The following LRP2BP variants were observed in gnomAD, a reference collection of about 807,000 sequenced individuals.
LRP2BP encodes LRP2 binding protein, also known as LRP2-binding protein.
Under a neutral mutation model 45.2 loss-of-function variants are expected in LRP2BP, and 38 were observed. That is an observed-to-expected ratio of 0.84 (90% CI 0.65 to 1.10). The LOEUF is 1.10. Ranked by LOEUF, LRP2BP falls within the 50% of genes least tolerant of loss-of-function variation. The pLI is 0.00. For synonymous variants in LRP2BP, 153 were observed against 153.9 expected (o/e 0.99, Z 0.04); for missense variants, 385 against 418.9 (o/e 0.92, Z 0.71).
chr4:185,372,580 C>CT (rs2095419528), intron 7 of LRP2BP, among the ~76,000 whole-genome samples: 1 of 152,172 alleles, frequency 6.6e-6, no homozygotes, highest in Non-Finnish European at 1.5e-5. Context: ...CCTTGGAAAT[C>CT]CCAGTGTTGC....
intron 1 of LRP2BP, chr4:185,390,518 C>CAAAAAAA (rs575511130): frequency 1.2e-5 from 1 of 82,692 alleles, no homozygotes; most frequent in Non-Finnish European, 2.5e-5. Context: ...GATTCCGTCT[C>CAAAAAAA]AAAAAAAAAA....
chr4:185,395,608 C>T lies in LRP2BP; in HGVS notation c.-851G>A. On this transcript the variant is annotated 5_prime_UTR_variant, in exon 1 of 9. It adds an upstream start codon to the 5' untranslated region. Coordinates refer to ENST00000505916, the MANE Select transcript of LRP2BP (RefSeq NM_001377440.1). ...GAACGATTCTATATATTTGAACACA[C>T]ATTTATATTCAAATATTCATATGAA... 2.0e-6 allele frequency: 2 copies of T among 978,128 alleles called. No homozygotes were observed. Among genetic ancestry groups the T allele is most frequent in the Non-Finnish European group, 1.2e-6 (1 of 823,274 alleles). The allele number at this position is 978,128 out of a possible 1,614,324, so 60.6% of individuals were successfully genotyped here. A position where few individuals can be genotyped will look rare whatever the true frequency, so the allele number is the denominator to read the frequency against.
intron 1 of LRP2BP, among the ~76,000 whole-genome samples, chr4:185,379,505 T>C (rs549337076): frequency 6.6e-6 from 1 of 152,316 alleles, no homozygotes; most frequent in Non-Finnish European, 1.5e-5. Context: ...TTAAAACTCA[T>C]GTTGCCTTTT....
intron 3 of LRP2BP, among the ~76,000 whole-genome samples, chr4:185,376,019 T>C (rs1312529489): frequency 1.3e-5 from 2 of 152,062 alleles, no homozygotes; most frequent in African/African-American, 4.8e-5. Flanking sequence ...GCTGCCCAAA[T>C]AGTCAACAAA....
intron 1 of LRP2BP, chr4:185,378,731 A>C: frequency 3.0e-6 from 3 of 985,762 alleles, no homozygotes; most frequent in Non-Finnish European, 3.6e-6. Flanking sequence ...TCACAGTTGA[A>C]TGGTAAATCA....
rs112573976 is a variant in LRP2BP at position 185,365,516 on chromosome 4, C to T, written c.*1664G>A. The T allele has an allele frequency of 0.018, 2,707 of 151,750 alleles. 86 individuals carry two copies. Among genetic ancestry groups the T allele is most frequent in the African/African-American group, 0.063 (2,587 of 41,352 alleles). 9.4% of individuals were successfully genotyped at this position (151,750 alleles called of 1,614,324 possible). A position where few individuals can be genotyped will look rare whatever the true frequency, so the allele number is the denominator to read the frequency against. ...GACTACAGGCGTCCGCCATCACGCC[C>T]GGCTAATTTTTGTATTTTTAGTAGA... On this transcript the variant is annotated 3_prime_UTR_variant, in exon 9 of 9. Transcript: ENST00000505916.
At chr4:185,396,853 C>T (rs2095504751), upstream of LRP2BP, 10 of 1,527,622 alleles carry the variant, frequency 6.5e-6, no homozygotes, top group East Asian at 2.2e-5. Context: ...GCATTCTTAC[C>T]TGTCGGGGTG....
Position 185,375,700 on chromosome 4 carries a change from C to G in LRP2BP, c.243G>C (p.Gln81His). The change falls in exon 4 of 9, where the codon CAG (glutamine) becomes CAC (histidine). Residue 81 changes from glutamine (Q) to histidine (H), a missense_variant. By Grantham distance (24) the Gln-to-His change is conservative (BLOSUM62 0). Transcript: ENST00000505916. ...EEGWYEEALE[Q>H]FEEIKEKDHQ... Reference sequence around the variant, plus strand: ...GGTCTTTCTCCTTGATTTCTTCAAACTGTTCTAATGCTTCTTCATACCATC... The same window carrying G: ...GGTCTTTCTCCTTGATTTCTTCAAAGTGTTCTAATGCTTCTTCATACCATC... 6.2e-7 allele frequency: 1 copy of G among 1,610,694 alleles called. No homozygotes were observed. The highest frequency in any genetic ancestry group is 8.5e-7 in the Non-Finnish European group (1 of 1,178,362).
chr4:185,378,501 C>T (rs2095445712), intron 1 of LRP2BP: 1 of 1,108,680 alleles, frequency 9.0e-7, no homozygotes, highest in Middle Eastern at 4.0e-4. Context: ...TGGGTCAAGT[C>T]ACCCAGCACA....
chr4:185,370,745 G>C lies in LRP2BP; in HGVS notation c.873C>G (p.Phe291Leu), dbSNP rs1365728322. 2 of 1,614,122 alleles carry C rather than the reference G, an allele frequency of 1.2e-6. No homozygotes were observed. The highest frequency in any genetic ancestry group is 8.5e-7 in the Non-Finnish European group (1 of 1,180,034). Residue 291 changes from phenylalanine to leucine, a missense_variant, in exon 8 of 9, where the codon TTC (phenylalanine) becomes TTG (leucine). Coordinates refer to ENST00000505916, the MANE Select transcript of LRP2BP (RefSeq NM_001377440.1). ...IAQVTDCLPE[F>L]IGRGMAMASF... Reference sequence around the variant, plus strand: ...ATGCCATTGCCATGCCTCTGCCGATGAACTCCGGGAGACAGTCTGTGACCT... The same window carrying C: ...ATGCCATTGCCATGCCTCTGCCGATCAACTCCGGGAGACAGTCTGTGACCT...
intron 2 of LRP2BP, 157 bp from the exon 3 acceptor site, chr4:185,377,175 A>G (rs1180815585): frequency 2.6e-5 from 16 of 620,658 alleles, no homozygotes; most frequent in Middle Eastern, 8.6e-4. Flanking sequence ...AAGAAATATT[A>G]CCTGAAAAAA....
At chr4:185,375,455 C>CAAAAAAAAAAA (rs1193760497) in intron 4 of LRP2BP, among the ~76,000 whole-genome samples, 158 bp downstream of exon 4, 3 of 14,774 alleles carry the variant, frequency 2.0e-4, no homozygotes, top group Non-Finnish European at 2.4e-4. Context: ...GACTCCGTCT[C>CAAAAAAAAAAA]AAAAAAAAAA....
chr4:185,396,566 G>A (rs2095503714), upstream of LRP2BP: 2 of 298,676 alleles, frequency 6.7e-6, no homozygotes, highest in Non-Finnish European at 1.2e-5. Flanking sequence ...GAGGCTCCGT[G>A]GGGCCGCCGC....
rs1357028013 is a variant in LRP2BP at position 185,365,776 on chromosome 4, A to G, written c.*1404T>C. 2 of 151,982 alleles carry G rather than the reference A, an allele frequency of 1.3e-5. No homozygotes were observed. The highest frequency in any genetic ancestry group is 4.8e-5 in the African/African-American group (2 of 41,410). The allele number at this position is 151,982 out of a possible 1,614,324, so 9.4% of individuals were successfully genotyped here. Reference sequence around the variant, plus strand: ...TACTAGTTGGGAATTTGGATCTTCAAGTGGTTGAAGGAATGTTACATGGGT... The same window carrying G: ...TACTAGTTGGGAATTTGGATCTTCAGGTGGTTGAAGGAATGTTACATGGGT... On this transcript the variant is annotated 3_prime_UTR_variant, in exon 9 of 9. Coordinates refer to ENST00000505916, the MANE Select transcript of LRP2BP (RefSeq NM_001377440.1).
rs930306788 is a variant in LRP2BP, at chr4:185,395,908, A to C, written c.-1151T>G. The stretch of plus-strand genomic sequence containing the variant: ...TTTCTAAGCAGATCCTTCTGGAAAG[A>C]CGCTTAGGGAGAGTCTAGGGAGCAG... On this transcript the variant is annotated 5_prime_UTR_variant, in exon 1 of 9. Transcript: ENST00000505916. The C allele has an allele frequency of 2.0e-6, 2 of 985,438 alleles. No individual in the cohort carries two copies. The highest frequency in any genetic ancestry group is 1.2e-6 in the Non-Finnish European group (1 of 829,914). The allele number at this position is 985,438 out of a possible 1,614,324, so 61.0% of individuals were successfully genotyped here. A position where few individuals can be genotyped will look rare whatever the true frequency, so the allele number is the denominator to read the frequency against.
Position 185,395,239 on chromosome 4 carries a change from A to G in LRP2BP, c.-482T>C, listed in dbSNP as rs2095498745. The stretch of plus-strand genomic sequence containing the variant: ...ATAACTACCACTTAATGCATACTGA[A>G]CAGAATCTTGTTTCAAAGAAAAGAT... On this transcript the variant is annotated 5_prime_UTR_variant, in exon 1 of 9. Coordinates refer to ENST00000505916, the MANE Select transcript of LRP2BP (RefSeq NM_001377440.1). 3 of 985,458 alleles carry G rather than the reference A, an allele frequency of 3.0e-6. No homozygotes were observed. The highest frequency in any genetic ancestry group is 2.4e-6 in the Non-Finnish European group (2 of 829,916). 61.0% of individuals were successfully genotyped at this position (985,458 alleles called of 1,614,324 possible). A position where few individuals can be genotyped will look rare whatever the true frequency, so the allele number is the denominator to read the frequency against.
Position 185,378,443 on chromosome 4 carries a change from T to C in LRP2BP, c.-21-236A>G. ...ATTTTCCACAGCATCGCATTCACCA[T>C]GAGACCTGTTTGCACGTCCTGTCTG... On this transcript the variant is annotated intron_variant, in intron 1 of 8. Coordinates refer to ENST00000505916, the MANE Select transcript of LRP2BP (RefSeq NM_001377440.1). 3 of 1,281,990 alleles carry C rather than the reference T, an allele frequency of 2.3e-6. No homozygotes were observed. In the South Asian group the frequency reaches 5.8e-5, roughly 25 times the overall value. 79.4% of individuals were successfully genotyped at this position (1,281,990 alleles called of 1,614,324 possible). A position where few individuals can be genotyped will look rare whatever the true frequency, so the allele number is the denominator to read the frequency against.
chr4:185,375,610 T>TA lies in LRP2BP; in HGVS notation c.330+2dup, dbSNP rs2095434846. 6.5e-7 allele frequency: 1 copy of TA among 1,536,514 alleles called. No individual in the cohort carries two copies. ...AACCACTGTGACCAAGACATTAACT[T>TA]ACAGCGTCTAGAGTGGTCCCCAGCC... On this transcript the variant is annotated splice_region_variant and intron_variant, in intron 4 of 8. Coordinates refer to ENST00000505916, the MANE Select transcript of LRP2BP (RefSeq NM_001377440.1).
At chr4:185,387,384 T>G (rs147210157) in intron 1 of LRP2BP, among the ~76,000 whole-genome samples, 33 of 152,328 alleles carry the variant, frequency 2.2e-4, no homozygotes, top group African/African-American at 6.7e-4. Flanking sequence ...ATATAACACA[T>G]GTACACCCTA....
Sources: allele counts gnomAD v4.1 joint callset (sites outside exome capture counted in the v4.1 genomes callset), GRCh38; gene constraint gnomAD v4.1.1; transcripts MANE v1.5; gene names NCBI Gene and HGNC (gene_info 2026-07-23, HGNC 2026-07-21).